Variants in MCOLN2 observed in about 807,000 individuals in gnomAD.
The protein encoded by MCOLN2 is mucolipin TRP cation channel 2, also known as mucolipin-2.
MCOLN2 carries 57 observed loss-of-function variants against 67.5 expected under a neutral mutation model. The ratio of observed to expected loss-of-function variants is 0.84; its 90% CI spans 0.68 to 1.05. The LOEUF (loss-of-function observed/expected upper bound fraction) is 1.05. Ranked by LOEUF, MCOLN2 falls within the 50% of genes least tolerant of loss-of-function variation. The pLI is 0.00. For synonymous variants in MCOLN2, 246 were observed against 233.3 expected, an observed-to-expected ratio of 1.05 and a Z score of -0.50; for missense variants, 620 against 678.8, an observed-to-expected ratio of 0.91 and a Z score of 0.96.
chr1:84,937,532 T>C (rs1647495452), intron 11 of MCOLN2: 4 of 1,182,438 alleles, frequency 3.4e-6, no homozygotes, highest in South Asian at 3.6e-5. Flanking sequence ...CAGACAACTA[T>C]AATACATGCT....
rs536779873 is a variant in MCOLN2 at position 84,969,344 on chromosome 1, G to A, written c.78-3636C>T. On this transcript the variant is annotated intron_variant, in intron 1 of 13. Transcript: ENST00000370608. ...CCAGCACTTTGGGAGGCAGAGGCGGGTGGATCACCTGAGGTCAGGAGTTTG... is the reference window on the plus strand; with the variant it reads ...CCAGCACTTTGGGAGGCAGAGGCGGATGGATCACCTGAGGTCAGGAGTTTG... Among the ~76,000 whole-genome samples the A allele has an allele frequency of 3.9e-5, 6 of 152,284 alleles. No homozygotes were observed. In the East Asian group the frequency reaches 1.2e-3, roughly 29 times the overall value.
intron 1 of MCOLN2, among the ~76,000 whole-genome samples, chr1:84,977,628 A>AT (rs1364151666): frequency 2.6e-5 from 4 of 152,152 alleles, no homozygotes. Context: ...GACAACAACT[A>AT]TAAGAAGAGA....
At chr1:84,953,603 C>T (rs960562190) in intron 4 of MCOLN2, among the ~76,000 whole-genome samples, 3 of 149,510 alleles carry the variant, frequency 2.0e-5, no homozygotes, top group Admixed American at 6.7e-5. Flanking sequence ...GAAGGCTATA[C>T]AGGAAATATT....
At chr1:84,973,587 C>A (rs1649851263) in intron 1 of MCOLN2, among the ~76,000 whole-genome samples, 1 of 152,036 alleles carries the variant, frequency 6.6e-6, no homozygotes, top group African/African-American at 2.4e-5. Context: ...TGGTGGTACC[C>A]CCATTGATTT....
At position 84,992,725 on chromosome 1, in the gene MCOLN2, C is replaced by T. The variant is rs150672862; in HGVS notation, c.77+4071G>A. The stretch of plus-strand genomic sequence containing the variant: ...AGTTATGTTTACACTATACCATAGT[C>T]TATTAAGTCTGCAATAGCATTATGT... On this transcript the variant is annotated intron_variant, in intron 1 of 13. Transcript: ENST00000370608. Among the ~76,000 whole-genome samples the T allele has an allele frequency of 5.3e-5, 8 of 149,782 alleles. No homozygotes were observed. In the East Asian group the frequency reaches 1.6e-3, roughly 30 times the overall value.
chr1:84,965,662 T>C lies in MCOLN2; in HGVS notation c.124A>G (p.Arg42Gly). ...ATGAAGTAAAACTTCAGGTCTTCCCTTAGACATTCTTCTTTCATCTCAGAA... is the reference window on the plus strand; with the variant it reads ...ATGAAGTAAAACTTCAGGTCTTCCCCTAGACATTCTTCTTTCATCTCAGAA... ...RDSEMKEECL[R>G]EDLKFYFMSP... Residue 42 changes from arginine (R) to glycine (G), a missense_variant, in exon 2 of 14, where the codon AGG (arginine) becomes GGG (glycine). Physicochemically the swap from Arg to Gly is moderately radical, Grantham distance 125 (BLOSUM62 -2). Transcript: ENST00000370608. The C allele has an allele frequency of 2.5e-6, 4 of 1,613,936 alleles. No homozygotes were observed. Among genetic ancestry groups the C allele is most frequent in the Non-Finnish European group, 3.4e-6 (4 of 1,179,900 alleles).
intron 1 of MCOLN2, among the ~76,000 whole-genome samples, chr1:84,972,214 AC>A (rs1649727662): frequency 1.3e-5 from 2 of 152,214 alleles, no homozygotes; most frequent in Non-Finnish European, 2.9e-5. Context: ...CCGTAAAACC[AC>A]TTAAGGAACA....
intron 1 of MCOLN2, among the ~76,000 whole-genome samples, chr1:84,989,398 AG>A (rs1650772585): frequency 6.6e-6 from 1 of 152,166 alleles, no homozygotes; most frequent in Admixed American, 6.5e-5. Context: ...AGCAAGTTGT[AG>A]GTAATTTAGT....
At chr1:84,927,659 G>T (rs757454830) in intron 13 of MCOLN2, among the ~76,000 whole-genome samples, 1 of 152,214 alleles carries the variant, frequency 6.6e-6, no homozygotes, top group Non-Finnish European at 1.5e-5. Context: ...GGGATAGCAG[G>T]TGTCATCTGT....
chr1:84,987,489 CATAT>C (rs1650610008), intron 1 of MCOLN2, among the ~76,000 whole-genome samples: 1 of 11,536 alleles, frequency 8.7e-5, no homozygotes, highest in African/African-American at 1.5e-4. Context: ...TACATATATA[CATAT>C]GTATACATAG....
chr1:84,985,418 A>C (rs964757302), intron 1 of MCOLN2, among the ~76,000 whole-genome samples: 4 of 152,166 alleles, frequency 2.6e-5, no homozygotes, highest in Non-Finnish European at 4.4e-5. Context: ...TTCTGTTCTA[A>C]AACAGCTTGT....
At chr1:84,986,786 A>C (rs1650530844) in intron 1 of MCOLN2, among the ~76,000 whole-genome samples, 1 of 152,178 alleles carries the variant, frequency 6.6e-6, no homozygotes, top group South Asian at 2.1e-4. Context: ...AAAAATGCTC[A>C]ACATCACTAA....
At chr1:84,931,306 T>C in intron 12 of MCOLN2, 56 bp downstream of exon 12, 1 of 1,050,394 alleles carries the variant, frequency 9.5e-7, no homozygotes, top group East Asian at 2.4e-5. Flanking sequence ...TATTTTCCTA[T>C]AATCTATATA....
intron 1 of MCOLN2, among the ~76,000 whole-genome samples, chr1:84,974,397 GGA>G (rs769707356): frequency 2.0e-5 from 3 of 151,556 alleles, no homozygotes; most frequent in Non-Finnish European, 4.4e-5. Context: ...TTCTGCTTGA[GGA>G]GAGGAGAAAG....
chr1:84,958,378 A>G (rs2102846759), intron 3 of MCOLN2, 151 bp downstream of exon 3: 1 of 552,414 alleles, frequency 1.8e-6, no homozygotes, highest in Admixed American at 3.9e-5. Context: ...GTAGAAATGT[A>G]GCTTCAGAAA....
intron 13 of MCOLN2, among the ~76,000 whole-genome samples, chr1:84,929,269 A>G (rs1451196570): frequency 1.3e-5 from 2 of 152,224 alleles, no homozygotes; most frequent in Non-Finnish European, 2.9e-5. Flanking sequence ...TACTTGGGCC[A>G]CTTAAGAGTT....
At chr1:84,941,072 A>T (rs973264226) in intron 7 of MCOLN2, 81 bp from the exon 8 acceptor site, 1 of 827,838 alleles carries the variant, frequency 1.2e-6, no homozygotes, top group Non-Finnish European at 1.9e-6. Flanking sequence ...TGTGAAAAGA[A>T]GTTCAAACAA....
chr1:84,968,089 G>A (rs916041949), intron 1 of MCOLN2, among the ~76,000 whole-genome samples: 4 of 152,260 alleles, frequency 2.6e-5, no homozygotes, highest in Admixed American at 6.5e-5. Flanking sequence ...CAGGAAACGG[G>A]AACAAGAGAG....
At chr1:84,968,182 CAAAGA>C (rs925963311) in intron 1 of MCOLN2, among the ~76,000 whole-genome samples, 1 of 152,006 alleles carries the variant, frequency 6.6e-6, no homozygotes, top group African/African-American at 2.4e-5. Context: ...GGTTCCAAAT[CAAAGA>C]AAAGAAAAAG....
Sources: allele counts gnomAD v4.1 joint callset (sites outside exome capture counted in the v4.1 genomes callset), GRCh38; gene constraint gnomAD v4.1.1; transcripts MANE v1.5; gene names NCBI Gene and HGNC (gene_info 2026-07-23, HGNC 2026-07-21).